SNTG2: variants seen among roughly 807,000 people sequenced by gnomAD.
The protein encoded by SNTG2 is syntrophin gamma 2.
A neutral mutation model predicts 70.9 loss-of-function variants in SNTG2; 74 were observed. The observed-to-expected ratio is 1.04, with a 90% confidence interval of 0.86 to 1.27. SNTG2 has a LOEUF of 1.27. SNTG2 is among the 50% of genes most tolerant of loss of function. The pLI is 0.00. For synonymous variants in SNTG2, 278 were observed against 273.8 expected, an observed-to-expected ratio of 1.02 and a Z score of -0.15; for missense variants, 717 against 690.7, an observed-to-expected ratio of 1.04 and a Z score of -0.43.
At chr2:1,236,833 A>C (rs1676690840) in intron 9 of SNTG2, among the ~76,000 whole-genome samples, 1 of 152,156 alleles carries the variant, frequency 6.6e-6, no homozygotes, top group Admixed American at 6.5e-5. Context: ...CTTAGTGATG[A>C]CTTATTTTTT....
rs1407199214 is a variant in SNTG2 at position 1,367,572 on chromosome 2, C to T, written c.*98C>T. 5.0e-6 allele frequency: 7 copies of T among 1,401,602 alleles called. No homozygotes were observed. The highest frequency in any genetic ancestry group is 2.4e-5 in the Admixed American group (1 of 42,202). The allele number at this position is 1,401,602 out of a possible 1,614,324, so 86.8% of individuals were successfully genotyped here. On this transcript the variant is annotated 3_prime_UTR_variant, in exon 17 of 17. Coordinates refer to ENST00000308624, the MANE Select transcript of SNTG2 (RefSeq NM_018968.4). ...AACTTTGTGTTGTTTTATGATGAGC[C>T]TATAGTTGTGATACCAATAAAACAT... is the stretch of plus-strand genomic sequence containing the variant.
intron 14 of SNTG2, among the ~76,000 whole-genome samples, chr2:1,280,242 A>G (rs1324204185): frequency 1.3e-5 from 2 of 152,194 alleles, no homozygotes; most frequent in Non-Finnish European, 2.9e-5. Context: ...ATTAGATTAG[A>G]GTAGATTTAT....
At chr2:1,192,903 A>G (rs1257752739) in intron 8 of SNTG2, among the ~76,000 whole-genome samples, 2 of 152,220 alleles carry the variant, frequency 1.3e-5, no homozygotes, top group African/African-American at 2.4e-5. Flanking sequence ...TGTCCTGTTA[A>G]TCAGAAGGTG....
intron 9 of SNTG2, 109 bp downstream of exon 9, chr2:1,209,339 T>A: frequency 4.6e-6 from 6 of 1,296,042 alleles, no homozygotes; most frequent in Non-Finnish European, 6.5e-6. Flanking sequence ...CATTAGCAAG[T>A]GTGCGTGCTG....
chr2:1,236,350 A>G (rs1676657229), intron 9 of SNTG2, among the ~76,000 whole-genome samples: 1 of 152,244 alleles, frequency 6.6e-6, no homozygotes. Flanking sequence ...GCCCCACGGG[A>G]AGCGATGGAT....
At chr2:1,304,519 A>G (rs1184765562) in intron 14 of SNTG2, among the ~76,000 whole-genome samples, 1 of 152,116 alleles carries the variant, frequency 6.6e-6, no homozygotes, top group Non-Finnish European at 1.5e-5. Flanking sequence ...TGCGTTCAGA[A>G]GTTTGAGACC....
Position 1,239,777 on chromosome 2 carries a change from G to T in SNTG2, c.888+1G>T. The T allele has an allele frequency of 6.2e-7, 1 of 1,613,150 alleles. No homozygotes were observed. Among genetic ancestry groups the T allele is most frequent in the Non-Finnish European group, 8.5e-7 (1 of 1,179,656 alleles). ...CAAATGCTGCTCTCCTTCCGACCAG[G>T]TAGGGTTTGTATTTTCTGCTTCATG... On this transcript the variant is annotated splice_donor_variant, in intron 11 of 16. Transcript: ENST00000308624. LOFTEE classifies it high-confidence loss of function.
intron 14 of SNTG2, among the ~76,000 whole-genome samples, chr2:1,294,511 C>T (rs1412720886): frequency 6.6e-6 from 1 of 152,200 alleles, no homozygotes; most frequent in Non-Finnish European, 1.5e-5. Context: ...GAATGATTAC[C>T]TTAGAGGGAC....
chr2:992,258 A>C (rs1022451722), intron 1 of SNTG2, among the ~76,000 whole-genome samples: 1 of 151,830 alleles, frequency 6.6e-6, no homozygotes, highest in Non-Finnish European at 1.5e-5. Flanking sequence ...AGTTAGTGAT[A>C]TGGAGAAAAT....
At chr2:973,735 G>T (rs1660821931) in intron 1 of SNTG2, among the ~76,000 whole-genome samples, 2 of 151,990 alleles carry the variant, frequency 1.3e-5, no homozygotes, top group South Asian at 4.2e-4. Context: ...TTGTGTTTCA[G>T]TTTTTATACC....
chr2:1,211,442 T>C (rs886085368), intron 9 of SNTG2, among the ~76,000 whole-genome samples: 1 of 152,192 alleles, frequency 6.6e-6, no homozygotes, highest in East Asian at 1.9e-4. Context: ...GATGGAAATG[T>C]CTCCTACTCT....
chr2:1,244,015 G>C (rs948103403), intron 11 of SNTG2, among the ~76,000 whole-genome samples: 1 of 152,236 alleles, frequency 6.6e-6, no homozygotes, highest in African/African-American at 2.4e-5. Flanking sequence ...GACAGAGCAA[G>C]ACTCTGGCCT....
intron 12 of SNTG2, among the ~76,000 whole-genome samples, chr2:1,255,814 T>C (rs79437773): frequency 0.34 from 41,117 of 119,702 alleles, 7,363 homozygotes; most frequent in African/African-American, 0.49. Flanking sequence ...ATACACAAAG[T>C]TGTATGTATA....
intron 16 of SNTG2, among the ~76,000 whole-genome samples, chr2:1,336,338 C>T (rs1270222791): frequency 6.6e-6 from 1 of 152,174 alleles, no homozygotes; most frequent in Admixed American, 6.5e-5. Flanking sequence ...AGTGCTTTGA[C>T]TTCCTTATAT....
chr2:1,145,102 C>T (rs1669013234), intron 6 of SNTG2, among the ~76,000 whole-genome samples: 1 of 152,110 alleles, frequency 6.6e-6, no homozygotes, highest in South Asian at 2.1e-4. Context: ...GAATTGAAAG[C>T]ATATATTAGA....
chr2:1,137,228 C>A (rs1398886834), intron 4 of SNTG2, among the ~76,000 whole-genome samples: 3 of 151,654 alleles, frequency 2.0e-5, no homozygotes, highest in African/African-American at 4.9e-5. Flanking sequence ...CACACATCAA[C>A]AGATTCACAT....
chr2:1,029,597 C>T (rs760797645), intron 1 of SNTG2, among the ~76,000 whole-genome samples: 4 of 152,190 alleles, frequency 2.6e-5, no homozygotes. Context: ...ATAGTTCTGG[C>T]GTTACACCCT....
intron 1 of SNTG2, among the ~76,000 whole-genome samples, chr2:965,419 T>C (rs1457391619): frequency 6.6e-6 from 1 of 151,272 alleles, no homozygotes; most frequent in Non-Finnish European, 1.5e-5. Context: ...TTCTCCTCCT[T>C]GATCCCTTGG....
At chr2:1,053,383 TA>T (rs1280861446) in intron 1 of SNTG2, among the ~76,000 whole-genome samples, 1 of 152,178 alleles carries the variant, frequency 6.6e-6, no homozygotes, top group Non-Finnish European at 1.5e-5. Context: ...TTTAATAACA[TA>T]TAATTTTGTT....
Sources: gnomAD v4.1 joint callset for allele counts (sites outside exome capture counted in the v4.1 genomes callset) on GRCh38, gnomAD v4.1.1 for gene constraint, MANE v1.5 for transcripts, NCBI Gene and HGNC (gene_info 2026-07-23, HGNC 2026-07-21) for gene names.